DDX17: variants seen among roughly 807,000 people sequenced by gnomAD.
The protein encoded by DDX17 is DEAD-box helicase 17.
A neutral mutation model predicts 80.8 loss-of-function variants in DDX17; 10 were observed. That is an observed-to-expected ratio of 0.12 (90% CI 0.08 to 0.21). The LOEUF is 0.21. DDX17 is among the 10% of genes least tolerant of loss of function. The pLI, the probability that DDX17 is intolerant of heterozygous loss-of-function variation, is 1.00. For missense variants in DDX17, 586 were observed against 957.4 expected (o/e 0.61, Z 5.12); for synonymous variants, 339 against 336.2 (o/e 1.01, Z -0.09).
intron 6 of DDX17, 59 bp from the exon 7 acceptor site, chr22:38,495,105 T>A: frequency 1.3e-6 from 2 of 1,533,326 alleles, no homozygotes; most frequent in Non-Finnish European, 1.8e-6. Flanking sequence ...CACAGCTGTG[T>A]TCTAGCACTT....
chr22:38,484,244 T>TG lies in DDX17; in HGVS notation c.*1690dup, dbSNP rs5845383. The TG allele has an allele frequency of 0.084, 11,788 of 140,834 alleles. 431 individuals carry two copies. The highest frequency in any genetic ancestry group is 0.09 in the African/African-American group (3,379 of 37,632). The allele number at this position is 140,834 out of a possible 1,614,324, so 8.7% of individuals were successfully genotyped here. A position where few individuals can be genotyped will look rare whatever the true frequency, so the allele number is the denominator to read the frequency against. ...TCCCTTGGCCTCAACTTCTGTAAGATGGGGGGGGGACAAAAAGAGAAGTAA... is the reference window on the plus strand; with the variant it reads ...TCCCTTGGCCTCAACTTCTGTAAGATGGGGGGGGGGACAAAAAGAGAAGTAA... On this transcript the variant is annotated 3_prime_UTR_variant, in exon 13 of 13. Transcript: ENST00000403230.
intron 6 of DDX17, 49 bp from the exon 7 acceptor site, chr22:38,495,095 C>T: frequency 1.3e-6 from 2 of 1,572,536 alleles, no homozygotes; most frequent in South Asian, 2.3e-5. Flanking sequence ...TGCAGTGGCT[C>T]ACAGCTGTGT....
intron 1 of DDX17, among the ~76,000 whole-genome samples, chr22:38,502,404 G>C (rs1196495872): frequency 1.6e-5 from 2 of 126,764 alleles, no homozygotes; most frequent in Non-Finnish European, 3.4e-5. Flanking sequence ...ACAGAGGGAG[G>C]GTCCGTCAAA....
At chr22:38,497,297 CAAAAAAAAAAAAAAAAA>C (rs138448) in intron 5 of DDX17, among the ~76,000 whole-genome samples, 2 of 36,172 alleles carry the variant, frequency 5.5e-5, no homozygotes, top group African/African-American at 2.5e-4. Context: ...AACTCCATCT[CAAAAAAAAAAAAAAAAA>C]AAAAAAAAGT....
At chr22:38,492,631 C>A (rs1052125449) in intron 10 of DDX17, among the ~76,000 whole-genome samples, 2 of 152,180 alleles carry the variant, frequency 1.3e-5, no homozygotes, top group African/African-American at 4.8e-5. Flanking sequence ...GGATTACAGG[C>A]ATATGCCACC....
chr22:38,505,297 A>G (rs1348645200), intron 1 of DDX17: 9 of 152,236 alleles, frequency 5.9e-5, no homozygotes, highest in Admixed American at 5.9e-4. Flanking sequence ...GATTAAAACT[A>G]AAGTAACGAC....
chr22:38,492,051 C>T lies in DDX17; in HGVS notation c.1447+5G>A. ...CCATTGACAGAGACACCTATCTATA[C>T]AAACCTAGCCCACGGGAGGCTACAT... On this transcript the variant is annotated splice_donor_5th_base_variant and intron_variant, in intron 11 of 12. Coordinates refer to ENST00000403230, the MANE Select transcript of DDX17 (RefSeq NM_006386.5). 1 of 1,607,582 alleles carries T rather than the reference C, an allele frequency of 6.2e-7. No homozygotes were observed. The highest frequency in any genetic ancestry group is 1.7e-5 in the Admixed American group (1 of 58,868).
At chr22:38,499,658 G>A (rs1320928785) in intron 2 of DDX17, among the ~76,000 whole-genome samples, 159 bp from the exon 3 acceptor site, 1 of 152,044 alleles carries the variant, frequency 6.6e-6, no homozygotes, top group Non-Finnish European at 1.5e-5. Flanking sequence ...ACTCTGCAAG[G>A]CTCCTACTTA....
In DDX17 at chr22:38,505,975, C is replaced by A; in HGVS notation, c.263G>T (p.Arg88Leu). 1.9e-6 allele frequency: 3 copies of A among 1,590,680 alleles called. No homozygotes were observed. In the East Asian group the frequency reaches 6.9e-5, roughly 36 times the overall value. The change falls in exon 1 of 13, where the codon CGG becomes CTG. Residue 88 changes from arginine to leucine, a missense_variant. By Grantham distance (102) the Arg-to-Leu change is moderately radical. Transcript: ENST00000403230. ...CCCTCCACGGTCACGATCCCGGTCC[C>A]GGTCCCCAAAGCCTCCTCCGCGCAT... is the stretch of plus-strand genomic sequence containing the variant.
Position 38,486,331 on chromosome 22 carries a change from G to C in DDX17, c.1794C>G (p.Asp598Glu). 1 of 1,614,160 alleles carries C rather than the reference G, an allele frequency of 6.2e-7. No homozygotes were observed. Among genetic ancestry groups the C allele is most frequent in the Non-Finnish European group, 8.5e-7 (1 of 1,180,048 alleles). ...CACTACGATCCCGATAGCTTGCAGA[G>C]TCTCTCCGGCCACCATCCTTGACTC... is the stretch of plus-strand genomic sequence containing the variant. Residue 598 changes from aspartate (D) to glutamate (E), a missense_variant, in exon 13 of 13, where the codon GAC becomes GAG. Asp to Glu is a conservative substitution (Grantham distance 45). This residue lies in a region of DDX17 where 221 missense variants were observed against 261.4 expected (regional missense o/e 0.85). Coordinates refer to ENST00000403230, the MANE Select transcript of DDX17 (RefSeq NM_006386.5).
intron 12 of DDX17, among the ~76,000 whole-genome samples, chr22:38,487,245 A>G (rs1183778478): frequency 6.6e-6 from 1 of 152,092 alleles, no homozygotes; most frequent in Non-Finnish European, 1.5e-5. Context: ...CTGTAATCTC[A>G]GCACTTTGGG....
At chr22:38,500,478 C>A (rs2089816534) in intron 2 of DDX17, among the ~76,000 whole-genome samples, 1 of 151,746 alleles carries the variant, frequency 6.6e-6, no homozygotes, top group South Asian at 2.1e-4. Flanking sequence ...CTGACTCTTG[C>A]ACTCCAGCCT....
rs2089743065 is a variant in DDX17, at chr22:38,494,548, T to C, written c.1214+82A>G. The C allele has an allele frequency of 3.0e-6, 4 of 1,316,574 alleles. No homozygotes were observed. The South Asian group carries it at 4.1e-5, about 14-fold the overall frequency. 81.6% of individuals were successfully genotyped at this position (1,316,574 alleles called of 1,614,324 possible). ...AATGTTCTCAGGCCTCAAAATATACTGGTTTCTACAGTACTAATTTTGGAG... is the reference window on the plus strand; with the variant it reads ...AATGTTCTCAGGCCTCAAAATATACCGGTTTCTACAGTACTAATTTTGGAG... On this transcript the variant is annotated intron_variant, in intron 8 of 12. Transcript: ENST00000403230.
intron 5 of DDX17, among the ~76,000 whole-genome samples, chr22:38,497,173 G>A (rs1431656504): frequency 1.3e-5 from 2 of 151,166 alleles, no homozygotes; most frequent in African/African-American, 4.9e-5. Context: ...GCGCATGCCT[G>A]TAATCCCAGC....
At chr22:38,490,318 C>T (rs977226987) in intron 11 of DDX17, 28 of 1,286,664 alleles carry the variant, frequency 2.2e-5, no homozygotes, top group Non-Finnish European at 2.7e-5. Flanking sequence ...TGGCCTGAAT[C>T]GCCAATCACT....
At chr22:38,490,199 T>C in intron 11 of DDX17, 3 of 1,202,520 alleles carry the variant, frequency 2.5e-6, no homozygotes, top group South Asian at 1.5e-5. Flanking sequence ...TGCCACAATA[T>C]TATCTTGCTG....
At chr22:38,500,679 T>C (rs1036627938) in intron 2 of DDX17, among the ~76,000 whole-genome samples, 1 of 151,366 alleles carries the variant, frequency 6.6e-6, no homozygotes, top group Non-Finnish European at 1.5e-5. Context: ...TAGCCGGGCA[T>C]GGTGGCGGGT....
chr22:38,502,309 G>C (rs975414051), intron 1 of DDX17, among the ~76,000 whole-genome samples: 1 of 151,748 alleles, frequency 6.6e-6, no homozygotes, highest in South Asian at 2.1e-4. Flanking sequence ...AGCTACTTGG[G>C]AGGCTGAGGC....
At chr22:38,501,366 T>C in intron 1 of DDX17, 86 bp from the exon 2 acceptor site, 1 of 1,445,978 alleles carries the variant, frequency 6.9e-7, no homozygotes, top group Non-Finnish European at 9.2e-7. Context: ...AAGGATGGAG[T>C]TCTAGGGATA....
Sources: allele counts gnomAD v4.1 joint callset (sites outside exome capture counted in the v4.1 genomes callset), GRCh38; gene constraint gnomAD v4.1.1; regional missense constraint gnomAD v4.1.1; transcripts MANE v1.5; gene names NCBI Gene and HGNC (gene_info 2026-07-23, HGNC 2026-07-21).